ZFPM2: variants seen among roughly 807,000 people sequenced by gnomAD.
The protein encoded by ZFPM2 is zinc finger protein ZFPM2.
A neutral mutation model predicts 98.6 loss-of-function variants in ZFPM2; 20 were observed. The ratio of observed to expected loss-of-function variants is 0.20; its 90% CI spans 0.14 to 0.29. The LOEUF (loss-of-function observed/expected upper bound fraction) is 0.29. Ranked by LOEUF, ZFPM2 falls within the 10% of genes least tolerant of loss-of-function variation. The pLI is 1.00. For synonymous variants in ZFPM2, 518 were observed against 502.7 expected, an observed-to-expected ratio of 1.03 and a Z score of -0.41; for missense variants, 1,310 against 1,388.6, an observed-to-expected ratio of 0.94 and a Z score of 0.90.
Position 105,560,573 on chromosome 8 carries a change from C to T in ZFPM2, c.302-790C>T, listed in dbSNP as rs556568230. On this transcript the variant is annotated intron_variant, in intron 3 of 7. Transcript: ENST00000407775. The stretch of plus-strand genomic sequence containing the variant: ...CCCAAACAACATTTAAGCTATTGGC[C>T]GTTTTTTTTTTTTTTGAAATTTTGA... Among the ~76,000 whole-genome samples the T allele has an allele frequency of 3.0e-3, 379 of 126,030 alleles. 1 individual carries two copies. Among genetic ancestry groups the T allele is most frequent in the Non-Finnish European group, 5.3e-3 (327 of 61,388 alleles). 82.7% of individuals were successfully genotyped at this position (126,030 alleles called of 152,430 possible).
intron 1 of ZFPM2, among the ~76,000 whole-genome samples, chr8:105,372,418 G>T (rs1236516011): frequency 6.6e-6 from 1 of 152,076 alleles, no homozygotes. Context: ...TAAGCAAAGG[G>T]TATGTGCATG....
At chr8:105,399,690 A>G (rs1163921220) in intron 1 of ZFPM2, among the ~76,000 whole-genome samples, 2 of 144,438 alleles carry the variant, frequency 1.4e-5, no homozygotes, top group Non-Finnish European at 3.0e-5. Flanking sequence ...TGCCGAATAC[A>G]TTTCCCCTTA....
intron 3 of ZFPM2, among the ~76,000 whole-genome samples, chr8:105,490,691 T>G (rs75873821): frequency 0.016 from 2,456 of 152,146 alleles, 62 homozygotes; most frequent in African/African-American, 0.056. Flanking sequence ...GCGGGAATAC[T>G]TTCTTATATA....
chr8:105,631,855 A>G (rs1468555926), intron 4 of ZFPM2, among the ~76,000 whole-genome samples: 1 of 152,158 alleles, frequency 6.6e-6, no homozygotes, highest in Non-Finnish European at 1.5e-5. Flanking sequence ...TATTTTTTAT[A>G]TTATCTATGA....
At chr8:105,324,076 T>A (rs2957440) in intron 1 of ZFPM2, among the ~76,000 whole-genome samples, 66,632 of 151,572 alleles carry the variant, frequency 0.44, 16,909 homozygotes, top group Middle Eastern at 0.57. Flanking sequence ...TGACTTGCCA[T>A]ATATTAAGTT....
intron 5 of ZFPM2, among the ~76,000 whole-genome samples, chr8:105,759,579 CTT>C (rs1491551756): frequency 2.2e-5 from 3 of 135,392 alleles, no homozygotes; most frequent in Non-Finnish European, 4.7e-5. Flanking sequence ...CTTGATAATC[CTT>C]GTGTGTGTGT....
chr8:105,339,288 G>A (rs1450157118), intron 1 of ZFPM2, among the ~76,000 whole-genome samples: 1 of 151,548 alleles, frequency 6.6e-6, no homozygotes, highest in Non-Finnish European at 1.5e-5. Context: ...TTTTTGCTAG[G>A]GAGAATTCAT....
chr8:105,580,678 ATAAT>A (rs1313145821), intron 4 of ZFPM2, among the ~76,000 whole-genome samples: 1 of 152,072 alleles, frequency 6.6e-6, no homozygotes, highest in African/African-American at 2.4e-5. Context: ...TGCAGCACCT[ATAAT>A]TAATTACTCA....
chr8:105,658,643 C>T (rs1485250681), intron 5 of ZFPM2, among the ~76,000 whole-genome samples: 1 of 149,486 alleles, frequency 6.7e-6, no homozygotes, highest in Middle Eastern at 3.3e-3. Flanking sequence ...ACTAGATTTT[C>T]CTGTACCTTC....
At chr8:105,357,216 C>T (rs970454405) in intron 1 of ZFPM2, among the ~76,000 whole-genome samples, 4 of 152,092 alleles carry the variant, frequency 2.6e-5, no homozygotes, top group African/African-American at 9.7e-5. Flanking sequence ...TTGAAAAGGT[C>T]CAGTGGAAGT....
chr8:105,725,513 A>G (rs2131004129), intron 5 of ZFPM2, among the ~76,000 whole-genome samples: 1 of 151,918 alleles, frequency 6.6e-6, no homozygotes, highest in East Asian at 2.0e-4. Flanking sequence ...TTCATATATC[A>G]GCTGGGATAC....
rs768280775 is a variant in ZFPM2 at position 105,804,228 on chromosome 8, ATT to A, written c.*694_*695del. 4 of 152,578 alleles carry A rather than the reference ATT, an allele frequency of 2.6e-5. No homozygotes were observed. The highest frequency in any genetic ancestry group is 7.2e-5 in the African/African-American group (3 of 41,440). The allele number at this position is 152,578 out of a possible 1,614,324, so 9.5% of individuals were successfully genotyped here. A position where few individuals can be genotyped will look rare whatever the true frequency, so the allele number is the denominator to read the frequency against. ...CTTTCGCTGATGCAGCTCTGTCTCA[ATT>A]TTTAAACCTTTGCTGTTAAATGCAA... On this transcript the variant is annotated 3_prime_UTR_variant, in exon 8 of 8. Coordinates refer to ENST00000407775, the MANE Select transcript of ZFPM2 (RefSeq NM_012082.4).
chr8:105,344,912 A>G (rs917911231), intron 1 of ZFPM2, among the ~76,000 whole-genome samples: 2 of 152,168 alleles, frequency 1.3e-5, no homozygotes, highest in African/African-American at 4.8e-5. Flanking sequence ...GACATTTTTA[A>G]TGTTGAATAA....
intron 3 of ZFPM2, among the ~76,000 whole-genome samples, chr8:105,531,041 A>T (rs1377520452): frequency 6.6e-5 from 10 of 152,184 alleles, no homozygotes; most frequent in Admixed American, 5.9e-4. Context: ...TAAAGAATCC[A>T]GCTCTCACAG....
At chr8:105,522,098 T>C (rs1446174807) in intron 3 of ZFPM2, among the ~76,000 whole-genome samples, 1 of 152,224 alleles carries the variant, frequency 6.6e-6, no homozygotes, top group African/African-American at 2.4e-5. Flanking sequence ...TAGAATGAAC[T>C]ATTTAAGAAA....
At chr8:105,739,568 T>A (rs1812165688) in intron 5 of ZFPM2, among the ~76,000 whole-genome samples, 1 of 152,042 alleles carries the variant, frequency 6.6e-6, no homozygotes, top group South Asian at 2.1e-4. Flanking sequence ...GAATTCCCTG[T>A]AATTTGTTTC....
chr8:105,731,162 C>A (rs1811926803), intron 5 of ZFPM2, among the ~76,000 whole-genome samples: 1 of 151,684 alleles, frequency 6.6e-6, no homozygotes, highest in Admixed American at 6.6e-5. Context: ...ACTCCAGTGA[C>A]CTGAAAGCAG....
intron 4 of ZFPM2, among the ~76,000 whole-genome samples, chr8:105,621,244 T>A (rs951134371): frequency 1.3e-5 from 2 of 152,178 alleles, no homozygotes; most frequent in African/African-American, 4.8e-5. Context: ...GTCCTTCACA[T>A]CCCTTGTAAG....
intron 2 of ZFPM2, among the ~76,000 whole-genome samples, chr8:105,441,118 G>A (rs1232406153): frequency 1.3e-5 from 2 of 152,046 alleles, no homozygotes; most frequent in African/African-American, 4.8e-5. Flanking sequence ...TCGCACCACT[G>A]CACTCCAGCC....
Sources: allele counts gnomAD v4.1 joint callset (sites outside exome capture counted in the v4.1 genomes callset), GRCh38; gene constraint gnomAD v4.1.1; transcripts MANE v1.5; gene names NCBI Gene and HGNC (gene_info 2026-07-23, HGNC 2026-07-21).